The following KCND2 variants were observed in gnomAD, a reference collection of about 807,000 sequenced individuals.
KCND2 encodes the protein potassium voltage-gated channel subfamily D member 2, also known as A-type voltage-gated potassium channel KCND2.
In KCND2, 16 loss-of-function variants were observed where a neutral mutation model predicts 54.4. The ratio of observed to expected loss-of-function variants is 0.29; its 90% confidence interval spans 0.20 to 0.45. KCND2 has a LOEUF of 0.45. Ranked by LOEUF, KCND2 falls within the 20% of genes least tolerant of loss-of-function variation. The pLI, the probability that KCND2 is intolerant of heterozygous loss-of-function variation, is 1.00. For synonymous variants in KCND2, 317 were observed against 310.7 expected (o/e 1.02, Z -0.21); for missense variants, 486 against 824.2 (o/e 0.59, Z 5.02).
chr7:120,629,340 G>T (rs1793200528), intron 1 of KCND2, among the ~76,000 whole-genome samples: 1 of 152,152 alleles, frequency 6.6e-6, no homozygotes, highest in Admixed American at 6.5e-5. Flanking sequence ...CAAAAAATTA[G>T]CCGGGCGTGG....
At chr7:120,712,170 T>A (rs889184746) in intron 1 of KCND2, among the ~76,000 whole-genome samples, 2 of 146,846 alleles carry the variant, frequency 1.4e-5, no homozygotes, top group Non-Finnish European at 3.0e-5. Flanking sequence ...AATTCTTACA[T>A]GTATCTGAAG....
intron 1 of KCND2, among the ~76,000 whole-genome samples, chr7:120,474,387 G>T (rs1410151061): frequency 6.6e-6 from 1 of 152,096 alleles, no homozygotes; most frequent in Non-Finnish European, 1.5e-5. Context: ...GCCCAGGCTG[G>T]AGTGCAGTGG....
chr7:120,432,707 C>T (rs924584259), intron 1 of KCND2, among the ~76,000 whole-genome samples: 7 of 152,036 alleles, frequency 4.6e-5, no homozygotes, highest in African/African-American at 1.4e-4. Flanking sequence ...TGCACTGGCA[C>T]GATCTCGGCT....
At chr7:120,698,948 T>A (rs1180690798) in intron 1 of KCND2, among the ~76,000 whole-genome samples, 3 of 152,118 alleles carry the variant, frequency 2.0e-5, no homozygotes, top group Admixed American at 1.3e-4. Flanking sequence ...ACAGGAGACT[T>A]GTTGAGATGG....
intron 1 of KCND2, among the ~76,000 whole-genome samples, chr7:120,438,305 C>A (rs551645177): frequency 6.6e-6 from 1 of 152,256 alleles, no homozygotes; most frequent in Admixed American, 6.5e-5. Flanking sequence ...GGGGATGTAA[C>A]AGTTTTCACA....
At chr7:120,307,209 A>G (rs1249025023) in intron 1 of KCND2, among the ~76,000 whole-genome samples, 4 of 151,762 alleles carry the variant, frequency 2.6e-5, no homozygotes, top group African/African-American at 9.7e-5. Context: ...CTTCATTTTT[A>G]TGTAGAGAAA....
At chr7:120,728,570 G>A (rs781635212) in intron 1 of KCND2, among the ~76,000 whole-genome samples, 4 of 152,038 alleles carry the variant, frequency 2.6e-5, no homozygotes, top group East Asian at 3.9e-4. Context: ...GATTACAGCC[G>A]TGAACCATTA....
chr7:120,672,573 G>C, intron 1 of KCND2, among the ~76,000 whole-genome samples: 1 of 152,060 alleles, frequency 6.6e-6, no homozygotes, highest in South Asian at 2.1e-4. Context: ...TTCCTTCTCA[G>C]CCAAAAGTTC....
At chr7:120,397,203 A>G (rs1801167556) in intron 1 of KCND2, among the ~76,000 whole-genome samples, 1 of 152,074 alleles carries the variant, frequency 6.6e-6, no homozygotes, top group African/African-American at 2.4e-5. Flanking sequence ...TATTAGCACA[A>G]ATCAAGTTCA....
At position 120,336,305 on chromosome 7, in the gene KCND2, G is replaced by A. The variant is rs115826968; in HGVS notation, c.1115+60558G>A. On this transcript the variant is annotated intron_variant, in intron 1 of 5. Coordinates refer to ENST00000331113, the MANE Select transcript of KCND2 (RefSeq NM_012281.3). ...TCTCTTAAATTTGGGATTTTCTGAA[G>A]ATTGTTCATATTGTCATCCAATTTG... 1.9e-3 allele frequency among the ~76,000 whole-genome samples: 295 copies of A among 152,222 alleles called. 1 individual carries two copies. Among genetic ancestry groups the A allele is most frequent in the African/African-American group, 6.5e-3 (269 of 41,546 alleles).
intron 1 of KCND2, 21 bp downstream of exon 1, chr7:120,275,768 T>C (rs1286932323): frequency 9.4e-6 from 15 of 1,599,550 alleles, no homozygotes; most frequent in East Asian, 2.2e-5. Context: ...TAATGGGAAA[T>C]GGGATGGAGG....
intron 1 of KCND2, among the ~76,000 whole-genome samples, chr7:120,622,125 T>G (rs759472214): frequency 1.3e-5 from 2 of 152,118 alleles, no homozygotes; most frequent in African/African-American, 2.4e-5. Flanking sequence ...AAAAGGAGAA[T>G]GTCACTTATC....
At chr7:120,523,860 A>G (rs1370486237) in intron 1 of KCND2, among the ~76,000 whole-genome samples, 1 of 151,402 alleles carries the variant, frequency 6.6e-6, no homozygotes, top group African/African-American at 2.4e-5. Flanking sequence ...AATGTAAAAA[A>G]GTATAGAATG....
chr7:120,678,229 C>A (rs1792090827), intron 1 of KCND2, among the ~76,000 whole-genome samples: 1 of 151,192 alleles, frequency 6.6e-6, no homozygotes, highest in African/African-American at 2.4e-5. Context: ...ATACTAGCAT[C>A]TAAATAAGCA....
chr7:120,320,001 T>C (rs772477523), intron 1 of KCND2, among the ~76,000 whole-genome samples: 11 of 152,098 alleles, frequency 7.2e-5, no homozygotes, highest in African/African-American at 9.7e-5. Context: ...AGTGCAAGAT[T>C]GTTATTAATT....
intron 1 of KCND2, among the ~76,000 whole-genome samples, chr7:120,494,679 A>C (rs1278723692): frequency 2.0e-5 from 3 of 152,228 alleles, no homozygotes; most frequent in Non-Finnish European, 4.4e-5. Flanking sequence ...AATCTGCTAA[A>C]GTATGGCTGG....
chr7:120,353,626 ATAGGGCGTCTAG>A (rs2116388713), intron 1 of KCND2, among the ~76,000 whole-genome samples: 1 of 152,260 alleles, frequency 6.6e-6, no homozygotes, highest in South Asian at 2.1e-4. Flanking sequence ...AAGACTATCT[ATAGGGCGTCTAG>A]TAGACCATCA....
At chr7:120,290,541 T>A (rs1799419470) in intron 1 of KCND2, among the ~76,000 whole-genome samples, 1 of 152,010 alleles carries the variant, frequency 6.6e-6, no homozygotes, top group Non-Finnish European at 1.5e-5. Context: ...CTTATGAATT[T>A]CAAACAATAA....
intron 1 of KCND2, among the ~76,000 whole-genome samples, chr7:120,439,290 CTT>C (rs1801916326): frequency 1.3e-5 from 2 of 151,986 alleles, no homozygotes; most frequent in Non-Finnish European, 1.5e-5. Flanking sequence ...CTAGTGTTCT[CTT>C]TGTTCTGAAA....
Sources: allele counts gnomAD v4.1 joint callset (sites outside exome capture counted in the v4.1 genomes callset), GRCh38; gene constraint gnomAD v4.1.1; transcripts MANE v1.5; gene names NCBI Gene and HGNC (gene_info 2026-07-23, HGNC 2026-07-21).